Variants in ADGRB3 observed in about 807,000 individuals in gnomAD.
The protein encoded by ADGRB3 is adhesion G protein-coupled receptor B3, also known as brain-specific angiogenesis inhibitor 3.
A neutral mutation model predicts 193.4 loss-of-function variants in ADGRB3; 37 were observed. The ratio of observed to expected loss-of-function variants is 0.19; its 90% CI spans 0.15 to 0.25. The LOEUF (loss-of-function observed/expected upper bound fraction) is 0.25. ADGRB3 is among the 10% of genes least tolerant of loss of function. The pLI, the probability that ADGRB3 is intolerant of heterozygous loss-of-function variation, is 1.00. For missense variants in ADGRB3, 1,637 were observed against 1,852.9 expected, an observed-to-expected ratio of 0.88 and a Z score of 2.14; for synonymous variants, 690 against 644.2, an observed-to-expected ratio of 1.07 and a Z score of -1.08.
intron 3 of ADGRB3, among the ~76,000 whole-genome samples, chr6:68,699,441 A>G (rs1169905953): frequency 6.6e-6 from 1 of 152,072 alleles, no homozygotes; most frequent in Non-Finnish European, 1.5e-5. Context: ...AGAAGGGGAG[A>G]AACTTTCACA....
intron 3 of ADGRB3, among the ~76,000 whole-genome samples, chr6:68,662,768 C>A (rs1768697045): frequency 6.6e-6 from 1 of 151,186 alleles, no homozygotes; most frequent in Non-Finnish European, 1.5e-5. Context: ...TTAATGTTAT[C>A]CCAAGAGAAT....
chr6:68,958,692 T>A (rs147249770), intron 8 of ADGRB3, among the ~76,000 whole-genome samples: 2 of 152,138 alleles, frequency 1.3e-5, no homozygotes, highest in Admixed American at 1.3e-4. Context: ...AAAAAAATTA[T>A]ATACACTACA....
intron 26 of ADGRB3, among the ~76,000 whole-genome samples, chr6:69,340,516 G>A (rs79613442): frequency 0.037 from 5,670 of 152,184 alleles, 177 homozygotes; most frequent in Admixed American, 0.095. Context: ...ACACATGTAC[G>A]TATGAGTATA....
chr6:68,794,151 G>A (rs578260992), intron 3 of ADGRB3, among the ~76,000 whole-genome samples: 45 of 152,116 alleles, frequency 3.0e-4, no homozygotes, highest in South Asian at 2.5e-3. Flanking sequence ...ATTGGAGCTC[G>A]TAGTAAATAA....
intron 3 of ADGRB3, among the ~76,000 whole-genome samples, chr6:68,840,763 A>T (rs931886387): frequency 4.6e-5 from 7 of 152,198 alleles, no homozygotes; most frequent in Non-Finnish European, 7.3e-5. Context: ...ATGAATAATA[A>T]CATTGAATGT....
intron 24 of ADGRB3, among the ~76,000 whole-genome samples, chr6:69,333,243 T>C (rs542896792): frequency 3.1e-4 from 47 of 152,308 alleles, no homozygotes; most frequent in South Asian, 2.3e-3. Flanking sequence ...TTGTGCATAT[T>C]GCCTGCTTGT....
chr6:68,885,912 G>A (rs185326818), intron 3 of ADGRB3, among the ~76,000 whole-genome samples: 122 of 152,198 alleles, frequency 8.0e-4, no homozygotes, highest in African/African-American at 2.8e-3. Flanking sequence ...AATAGCTTAT[G>A]TAATGGATAT....
At chr6:69,376,584 G>T (rs1371707682) in intron 30 of ADGRB3, among the ~76,000 whole-genome samples, 2 of 151,914 alleles carry the variant, frequency 1.3e-5, no homozygotes, top group African/African-American at 2.4e-5. Context: ...AAGGAGATTT[G>T]GGGGATAATA....
At chr6:68,883,663 C>G (rs1350789286) in intron 3 of ADGRB3, among the ~76,000 whole-genome samples, 1 of 152,152 alleles carries the variant, frequency 6.6e-6, no homozygotes, top group East Asian at 1.9e-4. Context: ...CAAAGGTCTG[C>G]ACCTTCACTC....
At chr6:69,346,989 A>G (rs1769105079) in intron 26 of ADGRB3, among the ~76,000 whole-genome samples, 1 of 152,240 alleles carries the variant, frequency 6.6e-6, no homozygotes, top group South Asian at 2.1e-4. Context: ...ATGGATAAAG[A>G]AAATGTGGCA....
chr6:69,250,850 T>A (rs1766603773), intron 20 of ADGRB3, among the ~76,000 whole-genome samples: 2 of 152,252 alleles, frequency 1.3e-5, no homozygotes, highest in Non-Finnish European at 2.9e-5. Context: ...AACATATGTC[T>A]GTTTAAAACC....
chr6:69,281,668 A>C (rs1259124232), intron 20 of ADGRB3, among the ~76,000 whole-genome samples: 1 of 152,190 alleles, frequency 6.6e-6, no homozygotes, highest in Non-Finnish European at 1.5e-5. Context: ...GGATTAGAGC[A>C]CAGTCCATCC....
chr6:69,141,254 G>A (rs566027190), intron 17 of ADGRB3, among the ~76,000 whole-genome samples: 2 of 152,128 alleles, frequency 1.3e-5, no homozygotes, highest in South Asian at 4.2e-4. Flanking sequence ...CTCCCGAGTA[G>A]CTGGGACTAC....
intron 17 of ADGRB3, among the ~76,000 whole-genome samples, chr6:69,112,851 A>G (rs957166445): frequency 6.6e-6 from 1 of 151,966 alleles, no homozygotes; most frequent in Non-Finnish European, 1.5e-5. Context: ...TCCGCCTCCA[A>G]GGTTAAAGCG....
chr6:69,122,999 A>T (rs1341275), intron 17 of ADGRB3, among the ~76,000 whole-genome samples: 95,626 of 149,248 alleles, frequency 0.64, 31,654 homozygotes, highest in East Asian at 0.95. Flanking sequence ...CATACGTGTG[A>T]GTGTGTGTGT....
chr6:68,846,964 A>G (rs1489810374), intron 3 of ADGRB3, among the ~76,000 whole-genome samples: 2 of 152,174 alleles, frequency 1.3e-5, no homozygotes, highest in African/African-American at 4.8e-5. Context: ...GGGAGGCTGT[A>G]CCATGCAAAG....
intron 3 of ADGRB3, among the ~76,000 whole-genome samples, chr6:68,806,351 T>A (rs966320481): frequency 5.3e-5 from 8 of 152,160 alleles, no homozygotes; most frequent in Non-Finnish European, 1.2e-4. Context: ...CAGACAGAAT[T>A]GTCTCAGTTG....
At chr6:69,117,714 G>T (rs182947662) in intron 17 of ADGRB3, among the ~76,000 whole-genome samples, 1 of 152,252 alleles carries the variant, frequency 6.6e-6, no homozygotes, top group Admixed American at 6.5e-5. Flanking sequence ...CAAATTTTCA[G>T]TGCCTTCTAA....
intron 20 of ADGRB3, among the ~76,000 whole-genome samples, chr6:69,286,509 T>C (rs575964296): frequency 4.6e-5 from 7 of 152,170 alleles, no homozygotes; most frequent in Non-Finnish European, 1.0e-4. Flanking sequence ...TGCCAGACAT[T>C]GCAGGTGCAG....
Sources: allele counts gnomAD v4.1 joint callset (sites outside exome capture counted in the v4.1 genomes callset), GRCh38; gene constraint gnomAD v4.1.1; transcripts MANE v1.5; gene names NCBI Gene and HGNC (gene_info 2026-07-23, HGNC 2026-07-21).